Variants in NCALD observed in about 807,000 individuals in gnomAD.
NCALD encodes the protein neurocalcin-delta.
A neutral mutation model predicts 18.6 loss-of-function variants in NCALD; 10 were observed. The ratio of observed to expected loss-of-function variants is 0.54; its 90% CI spans 0.33 to 0.91. The LOEUF is 0.91. Ranked by LOEUF, NCALD falls within the 40% of genes least tolerant of loss-of-function variation. The pLI is 0.03. For missense variants in NCALD, 184 were observed against 247.6 expected (o/e 0.74, Z 1.72); for synonymous variants, 88 against 87.4 (o/e 1.01, Z -0.04).
intron 4 of NCALD, among the ~76,000 whole-genome samples, chr8:101,822,225 TTAAG>T (rs1170477317): frequency 6.6e-6 from 1 of 152,214 alleles, no homozygotes; most frequent in African/African-American, 2.4e-5. Flanking sequence ...TCTTTAAATA[TTAAG>T]TAAGTTGAAG....
rs768822713 is a variant in NCALD at position 101,689,337 on chromosome 8, C to T, written c.554G>A (p.Cys185Tyr). ...SDPSIVRLLQ[C>Y]DPSSAGQF ...GAACTGGCCGGCACTGCTCGGGTCG[C>T]ACTGCAGGAGGCGCACAATGGACGG... is the stretch of plus-strand genomic sequence containing the variant. The change falls in exon 4 of 4, where the codon TGC becomes TAC. Residue 185 changes from cysteine to tyrosine, a missense_variant. Physicochemically the swap from Cys to Tyr is radical, Grantham distance 194. Transcript: ENST00000220931. This position sits in a 1 kb window ranked among gnomAD's most constrained non-coding sequence, Gnocchi z 4.4. 2.5e-6 allele frequency: 4 copies of T among 1,613,696 alleles called. No homozygotes were observed. In the East Asian group the frequency reaches 8.9e-5, roughly 36 times the overall value.
At chr8:101,799,880 A>C (rs536548935) in intron 4 of NCALD, among the ~76,000 whole-genome samples, 77 of 152,306 alleles carry the variant, frequency 5.1e-4, no homozygotes, top group African/African-American at 1.8e-3. Flanking sequence ...TCCTGATTGT[A>C]ATTTTGCACT....
chr8:101,871,905 C>G (rs1258360688), intron 4 of NCALD: 1 of 689,104 alleles, frequency 1.5e-6, no homozygotes, highest in African/African-American at 1.8e-5. Context: ...CACCTTCAAT[C>G]GGCTTCTTAG....
At chr8:101,728,416 C>CTT (rs1816666624) in intron 1 of NCALD, among the ~76,000 whole-genome samples, 1 of 152,174 alleles carries the variant, frequency 6.6e-6, no homozygotes, top group Non-Finnish European at 1.5e-5. Context: ...ATGCAAACTG[C>CTT]ACCAAAGTCT....
At chr8:101,966,424 T>C (rs576792950) in intron 2 of NCALD, among the ~76,000 whole-genome samples, 2 of 140,348 alleles carry the variant, frequency 1.4e-5, no homozygotes, top group East Asian at 4.2e-4. Flanking sequence ...TAGGTGAGAA[T>C]TGAACAATGA....
chr8:102,096,578 A>C (rs1825110088), intron 1 of NCALD, among the ~76,000 whole-genome samples: 1 of 152,246 alleles, frequency 6.6e-6, no homozygotes, highest in African/African-American at 2.4e-5. Context: ...TGATTTTTGC[A>C]ACCAATCAGA....
chr8:102,106,445 G>A (rs1024975226), intron 1 of NCALD, among the ~76,000 whole-genome samples: 1 of 132,724 alleles, frequency 7.5e-6, no homozygotes, highest in Non-Finnish European at 1.6e-5. Flanking sequence ...TTAGCATATA[G>A]TATATATATA....
At chr8:102,014,826 T>G (rs917139499) in intron 2 of NCALD, among the ~76,000 whole-genome samples, 1 of 152,196 alleles carries the variant, frequency 6.6e-6, no homozygotes, top group Non-Finnish European at 1.5e-5. Flanking sequence ...CATAAAACAC[T>G]GCATCTAGTG....
chr8:101,874,230 A>T (rs1171970701), intron 4 of NCALD, among the ~76,000 whole-genome samples: 5 of 152,222 alleles, frequency 3.3e-5, no homozygotes, highest in African/African-American at 1.2e-4. Context: ...GGTTCAGCCC[A>T]AAGGTGGAGC....
At chr8:101,769,120 C>T (rs945120223) in intron 1 of NCALD, among the ~76,000 whole-genome samples, 1 of 152,262 alleles carries the variant, frequency 6.6e-6, no homozygotes, top group East Asian at 1.9e-4. Flanking sequence ...ACAGCTTCTC[C>T]CCTAGACCCT....
At chr8:102,089,463 T>C (rs1288216789) in intron 1 of NCALD, among the ~76,000 whole-genome samples, 1 of 151,902 alleles carries the variant, frequency 6.6e-6, no homozygotes, top group Non-Finnish European at 1.5e-5. Flanking sequence ...AACTACTAGA[T>C]CTTCTTCTGT....
chr8:101,907,906 G>A (rs1159327218), intron 3 of NCALD, among the ~76,000 whole-genome samples: 1 of 152,178 alleles, frequency 6.6e-6, no homozygotes, highest in Non-Finnish European at 1.5e-5. Flanking sequence ...ATAGCTACGT[G>A]CCTCTTTTAT....
intron 2 of NCALD, among the ~76,000 whole-genome samples, chr8:101,966,454 G>C (rs989567960): frequency 1.8e-4 from 26 of 148,156 alleles, no homozygotes; most frequent in Non-Finnish European, 3.6e-4. Context: ...GACACAGGAA[G>C]GGGAACATCA....
chr8:101,690,783 A>G, intron 3 of NCALD: 1 of 985,336 alleles, frequency 1.0e-6, no homozygotes. Context: ...CTGCCCACAT[A>G]GTAGTTACAA....
intron 4 of NCALD, among the ~76,000 whole-genome samples, chr8:101,825,609 C>A (rs1328358963): frequency 6.6e-6 from 1 of 152,172 alleles, no homozygotes; most frequent in Non-Finnish European, 1.5e-5. Context: ...ACTTCTGGAC[C>A]TAAGTGGCAG....
intron 1 of NCALD, among the ~76,000 whole-genome samples, chr8:102,104,207 A>C (rs1825376501): frequency 6.6e-6 from 1 of 152,222 alleles, no homozygotes; most frequent in Non-Finnish European, 1.5e-5. Context: ...AGTGAGTATT[A>C]AGATCATCGA....
At chr8:102,017,365 T>A (rs79627525) in intron 2 of NCALD, among the ~76,000 whole-genome samples, 2 of 150,966 alleles carry the variant, frequency 1.3e-5, no homozygotes, top group South Asian at 4.2e-4. Flanking sequence ...AAAAAAAAAA[T>A]AAGAAAATCT....
Position 101,872,349 on chromosome 8 carries a change from ATCC to A in NCALD, c.-20+14789_-20+14791del, listed in dbSNP as rs1816054833. On this transcript the variant is annotated intron_variant, in intron 4 of 6. Transcript: ENST00000311028. ...ATCTGTACATTTCAATAGCATGTTC[ATCC>A]TCCTCATTAAACTCGTCTTCATGAT... 3.9e-6 allele frequency: 6 copies of A among 1,528,124 alleles called. No homozygotes were observed. In the East Asian group the frequency reaches 6.8e-5, roughly 17 times the overall value. The allele number at this position is 1,528,124 out of a possible 1,614,324, so 94.7% of individuals were successfully genotyped here.
intron 3 of NCALD, among the ~76,000 whole-genome samples, chr8:101,914,073 T>G (rs1440813152): frequency 6.6e-6 from 1 of 152,342 alleles, no homozygotes; most frequent in African/African-American, 2.4e-5. Context: ...AACTCCATAC[T>G]TTAATCAAAC....
Sources: allele counts gnomAD v4.1 joint callset (sites outside exome capture counted in the v4.1 genomes callset), GRCh38; gene constraint gnomAD v4.1.1; non-coding constraint Gnocchi (gnomAD v3.1); transcripts MANE v1.5; gene names NCBI Gene and HGNC (gene_info 2026-07-23, HGNC 2026-07-21).